The following RP1 variants were observed in gnomAD, a reference collection of about 807,000 sequenced individuals.
RP1 encodes the protein oxygen-regulated protein 1.
A neutral mutation model predicts 14.8 loss-of-function variants in RP1; 16 were observed. That is an observed-to-expected ratio of 1.08 (90% confidence interval 0.73 to 1.65). RP1 has a LOEUF of 1.65. Among genes scored for constraint, RP1 ranks in the 40% most tolerant of loss-of-function variants. The pLI is 0.00. For synonymous variants in RP1, 876 were observed against 883.6 expected (o/e 0.99, Z 0.15); for missense variants, 2,631 against 2,535.0 (o/e 1.04, Z -0.81).
intron 7 of RP1, among the ~76,000 whole-genome samples, chr8:54,669,513 G>A (rs889074647): frequency 2.0e-5 from 3 of 152,048 alleles, no homozygotes; most frequent in African/African-American, 7.2e-5. Flanking sequence ...TTGACCCAGC[G>A]ACCCCATTAC....
chr8:54,819,457 A>G (rs1811206103), intron 24 of RP1, among the ~76,000 whole-genome samples: 1 of 152,112 alleles, frequency 6.6e-6, no homozygotes, highest in African/African-American at 2.4e-5. Context: ...CTCCAGGATT[A>G]GTCCCTGGTG....
intron 28 of RP1, among the ~76,000 whole-genome samples, chr8:54,867,095 A>T (rs1487145452): frequency 2.0e-5 from 3 of 152,284 alleles, no homozygotes; most frequent in Non-Finnish European, 2.9e-5. Flanking sequence ...TGGAGAGCTG[A>T]GTGTGCTCTG....
At chr8:54,636,955 T>G (rs895048194) in intron 3 of RP1, among the ~76,000 whole-genome samples, 1 of 152,202 alleles carries the variant, frequency 6.6e-6, no homozygotes, top group South Asian at 2.1e-4. Flanking sequence ...TCTCTAGATT[T>G]GTTATTTTAT....
At chr8:54,569,903 T>C (rs1586388973) in intron 1 of RP1, among the ~76,000 whole-genome samples, 2 of 152,138 alleles carry the variant, frequency 1.3e-5, no homozygotes, top group Non-Finnish European at 2.9e-5. Flanking sequence ...CAGGCTGGTG[T>C]AGGAAAGGTT....
chr8:54,626,509 A>C lies in RP1; in HGVS notation c.2627A>C (p.Lys876Thr), dbSNP rs760246495. Residue 876 changes from lysine to threonine, a missense_variant, in exon 4 of 4, where the codon AAA becomes ACA. Transcript: ENST00000220676. ...AGCCAGAAAAAACGTAAAGGGGATA[A>C]AGTGAAAGCAAGTGCTATTTTAAGT... is the stretch of plus-strand genomic sequence containing the variant. ...LKSQKKRKGD[K>T]VKASAILSKQ... The C allele has an allele frequency of 2.4e-5, 39 of 1,613,708 alleles. No individual in the cohort carries two copies. Among genetic ancestry groups the C allele is most frequent in the Non-Finnish European group, 3.1e-5 (37 of 1,179,916 alleles).
chr8:54,572,803 C>T (rs573696469), intron 1 of RP1, among the ~76,000 whole-genome samples: 1 of 152,192 alleles, frequency 6.6e-6, no homozygotes, highest in Non-Finnish European at 1.5e-5. Context: ...CTTGGCTCAC[C>T]CTGCTGGTCC....
chr8:54,731,667 A>C (rs1028402370), intron 17 of RP1, among the ~76,000 whole-genome samples: 5 of 152,170 alleles, frequency 3.3e-5, no homozygotes, highest in African/African-American at 1.2e-4. Context: ...AAATGATGCA[A>C]GAACATGTTA....
chr8:54,838,710 AGTGT>A (rs68010428), intron 25 of RP1, among the ~76,000 whole-genome samples: 1 of 150,770 alleles, frequency 6.6e-6, no homozygotes, highest in African/African-American at 2.4e-5. Context: ...TGTGTGTATG[AGTGT>A]GTGTGTGTGT....
chr8:54,792,115 T>A (rs1810478454), intron 24 of RP1, among the ~76,000 whole-genome samples: 1 of 151,944 alleles, frequency 6.6e-6, no homozygotes, highest in Admixed American at 6.6e-5. Context: ...CTAAGAAGAT[T>A]ATTACTTAAT....
At chr8:54,615,348 C>G (rs1012611602), upstream of RP1, among the ~76,000 whole-genome samples, 1 of 152,164 alleles carries the variant, frequency 6.6e-6, no homozygotes, top group Non-Finnish European at 1.5e-5. Context: ...CCAGAGGACC[C>G]CTTACCTTGT....
In RP1 at chr8:54,627,344, C is replaced by A; in HGVS notation, c.3462C>A (p.Thr1154=). 1 of 1,614,092 alleles carries A rather than the reference C, an allele frequency of 6.2e-7. No homozygotes were observed. The highest frequency in any genetic ancestry group is 8.5e-7 in the Non-Finnish European group (1 of 1,179,972). Residue 1154 remains threonine, a synonymous_variant, in exon 4 of 4, where the codon ACC becomes ACA. Transcript: ENST00000220676. ...GTCAAGTTGATGCTCACAAGGCTAC[C>A]AACAAATCTTCAGAAACACTTGCAT... ...SFCQVDAHKA[T]NKSSETLALL...
At chr8:54,714,029 G>A (rs1346722230) in intron 15 of RP1, among the ~76,000 whole-genome samples, 1 of 152,136 alleles carries the variant, frequency 6.6e-6, no homozygotes, top group Non-Finnish European at 1.5e-5. Flanking sequence ...GGGTTCAGGT[G>A]ATTCTCCTGC....
chr8:54,734,436 C>T, intron 17 of RP1: 1 of 1,018,972 alleles, frequency 9.8e-7, no homozygotes, highest in African/African-American at 1.6e-5. Context: ...CTCCTGCTTG[C>T]TTCACCCTAC....
intron 22 of RP1, among the ~76,000 whole-genome samples, chr8:54,764,129 G>A (rs10958427): frequency 0.31 from 46,560 of 152,100 alleles, 8,444 homozygotes; most frequent in Middle Eastern, 0.48. Context: ...TTGTTCCACC[G>A]AAACAATTGT....
At chr8:54,765,849 C>A (rs1203324802) in intron 22 of RP1, among the ~76,000 whole-genome samples, 1 of 152,188 alleles carries the variant, frequency 6.6e-6, no homozygotes, top group Non-Finnish European at 1.5e-5. Flanking sequence ...TCTTGCCAGA[C>A]AATGCACTGC....
chr8:54,733,825 A>AC (rs1808849351), intron 17 of RP1, among the ~76,000 whole-genome samples: 1 of 152,086 alleles, frequency 6.6e-6, no homozygotes, highest in Non-Finnish European at 1.5e-5. Flanking sequence ...CTCAGATGAG[A>AC]CCACAGGCGA....
intron 7 of RP1, among the ~76,000 whole-genome samples, chr8:54,667,687 A>T (rs1807049927): frequency 6.6e-6 from 1 of 152,116 alleles, no homozygotes; most frequent in Non-Finnish European, 1.5e-5. Flanking sequence ...AATTTCTCTC[A>T]AAATGAATTG....
chr8:54,626,185 C>G lies in RP1; in HGVS notation c.2303C>G (p.Ser768Cys), dbSNP rs1162608680. The G allele has an allele frequency of 2.5e-6, 4 of 1,611,078 alleles. No individual in the cohort carries two copies. The highest frequency in any genetic ancestry group is 3.3e-4 in the Middle Eastern group (2 of 6,038). Reference protein sequence around the residue: ...HRNKLNTTQNSKVQGLLTKRK... With the variant: ...HRNKLNTTQNCKVQGLLTKRK... Reference sequence around the variant, plus strand: ...AATAAATTAAATACTACTCAAAATTCCAAGGTTCAAGGACTTTTAACCAAA... The same window carrying G: ...AATAAATTAAATACTACTCAAAATTGCAAGGTTCAAGGACTTTTAACCAAA... The change falls in exon 4 of 4, where the codon TCC (serine) becomes TGC (cysteine). Residue 768 changes from serine to cysteine, a missense_variant. Transcript: ENST00000220676.
At chr8:54,733,271 T>A (rs756413784) in intron 17 of RP1, among the ~76,000 whole-genome samples, 1 of 152,140 alleles carries the variant, frequency 6.6e-6, no homozygotes, top group Non-Finnish European at 1.5e-5. Context: ...ACTCACCTTA[T>A]GAGTTTGGAA....
Sources: gnomAD v4.1 joint callset for allele counts (sites outside exome capture counted in the v4.1 genomes callset) on GRCh38, gnomAD v4.1.1 for gene constraint, MANE v1.5 for transcripts, NCBI Gene and HGNC (gene_info 2026-07-23, HGNC 2026-07-21) for gene names.